The following POR variants were observed in gnomAD, a reference collection of about 807,000 sequenced individuals.
The protein encoded by POR is cytochrome p450 oxidoreductase.
Under a neutral mutation model 84.0 loss-of-function variants are expected in POR, and 56 were observed. The ratio of observed to expected loss-of-function variants is 0.67; its 90% CI spans 0.54 to 0.83. The LOEUF (loss-of-function observed/expected upper bound fraction) is 0.83, where lower values mean the gene tolerates loss of function less well. Among genes scored for constraint, POR ranks in the 40% least tolerant of loss-of-function variants. The pLI, the probability that POR is intolerant of heterozygous loss-of-function variation, is 0.00. For synonymous variants in POR, 414 were observed against 400.5 expected (o/e 1.03, Z -0.40); for missense variants, 938 against 944.3 (o/e 0.99, Z 0.09).
At chr7:75,979,698 C>G (rs1788899022) in intron 4 of POR, 119 bp downstream of exon 4, 1 of 1,413,162 alleles carries the variant, frequency 7.1e-7, no homozygotes, top group Non-Finnish European at 9.6e-7. Flanking sequence ...GGAAGACGTC[C>G]TCGGAAGTTG....
At chr7:75,964,714 A>G (rs565304022) in intron 2 of POR, among the ~76,000 whole-genome samples, 2 of 152,338 alleles carry the variant, frequency 1.3e-5, no homozygotes, top group South Asian at 4.1e-4. Context: ...TTCAAAGTAT[A>G]CAGTGTGATG....
At chr7:75,958,760 G>C (rs559458163) in intron 2 of POR, among the ~76,000 whole-genome samples, 1 of 152,162 alleles carries the variant, frequency 6.6e-6, no homozygotes, top group South Asian at 2.1e-4. Context: ...CACAAAGATT[G>C]CTTGAGCCAG....
chr7:75,976,397 C>G (rs1377558885), intron 3 of POR, among the ~76,000 whole-genome samples: 1 of 151,258 alleles, frequency 6.6e-6, no homozygotes, highest in Non-Finnish European at 1.5e-5. Flanking sequence ...GAGCCAAGAT[C>G]GCACCACTGC....
chr7:75,986,051 C>T lies in POR; in HGVS notation c.1798C>T (p.Arg600Trp), dbSNP rs72557950. The T allele has an allele frequency of 7.2e-5, 113 of 1,560,154 alleles. No homozygotes were observed. The Admixed American group carries it at 1.4e-3, about 20-fold the overall frequency. ...CACCCAGCTCAACGTGGCCTTCTCC[C>T]GGGAGCAGTCCCACAAGGTGAGACG... The change falls in exon 14 of 16, where the codon CGG becomes TGG. Residue 600 changes from arginine (R) to tryptophan (W), a missense_variant. By Grantham distance (101) the Arg-to-Trp change is moderately radical. Transcript: ENST00000461988.
chr7:75,964,815 A>G (rs980134892), intron 2 of POR, among the ~76,000 whole-genome samples: 2 of 152,012 alleles, frequency 1.3e-5, no homozygotes, highest in Non-Finnish European at 2.9e-5. Context: ...ACTTGAAGCC[A>G]GGAGGTCAAG....
chr7:75,981,620 C>T lies in POR; in HGVS notation c.731+14C>T, dbSNP rs782442432. The T allele has an allele frequency of 1.3e-5, 21 of 1,609,300 alleles. No homozygotes were observed. Among genetic ancestry groups the T allele is most frequent in the African/African-American group, 4.0e-5 (3 of 74,868 alleles). On this transcript the variant is annotated intron_variant, in intron 7 of 15. Transcript: ENST00000461988. ...CGAGGAGTCCAGGTGAGCAAGTGCC[C>T]GCAGGTGCGGTGGGTGGCCTGGGCG...
chr7:75,984,696 G>A (rs1789297597), intron 10 of POR, 81 bp from the exon 11 acceptor site: 1 of 1,271,004 alleles, frequency 7.9e-7, no homozygotes, highest in African/African-American at 1.4e-5. Flanking sequence ...GCTGGCCCAA[G>A]GTGTCACCCC....
intron 1 of POR, among the ~76,000 whole-genome samples, chr7:75,920,351 G>T (rs565137504): frequency 6.6e-6 from 1 of 152,066 alleles, no homozygotes; most frequent in Non-Finnish European, 1.5e-5. Flanking sequence ...ATTACCAGGC[G>T]TGAGCCACCA....
At chr7:75,980,891 A>C in intron 5 of POR, 157 bp from the exon 6 acceptor site, 4 of 1,090,356 alleles carry the variant, frequency 3.7e-6, no homozygotes, top group Non-Finnish European at 5.1e-6. Context: ...TCAGTGGCCC[A>C]GTGTTCCTTG....
At chr7:75,923,205 T>C in intron 1 of POR, 1 of 1,129,498 alleles carries the variant, frequency 8.9e-7, no homozygotes, top group Non-Finnish European at 1.3e-6. Flanking sequence ...AGACCATCCC[T>C]CTGACAACAC....
chr7:75,929,186 C>T (rs1320761141), intron 1 of POR, among the ~76,000 whole-genome samples: 1 of 152,068 alleles, frequency 6.6e-6, no homozygotes, highest in Non-Finnish European at 1.5e-5. Context: ...ACCCTACTGC[C>T]CACATTCTAG....
intron 1 of POR, 64 bp downstream of exon 1, chr7:75,915,243 G>C (rs1325264051): frequency 1.3e-5 from 2 of 153,616 alleles, no homozygotes; most frequent in Non-Finnish European, 2.9e-5. Flanking sequence ...CTCGGGGTTT[G>C]CCGGGCGCCT....
At chr7:75,946,852 T>C (rs1860702) in intron 1 of POR, 11,918 of 152,266 alleles carry the variant, frequency 0.078, 1,462 homozygotes, top group African/African-American at 0.26. Flanking sequence ...CTCGGAGCGA[T>C]TGTAGGGACT....
chr7:75,956,986 A>G (rs1380729099), intron 2 of POR, among the ~76,000 whole-genome samples: 1 of 152,214 alleles, frequency 6.6e-6, no homozygotes, highest in Admixed American at 6.5e-5. Context: ...TCTGCCTCCC[A>G]TAGTGCTGGG....
At chr7:75,951,986 G>C (rs537299731) in intron 1 of POR, among the ~76,000 whole-genome samples, 1 of 150,466 alleles carries the variant, frequency 6.6e-6, no homozygotes, top group African/African-American at 2.5e-5. Context: ...CCTCCCTCCC[G>C]GACGGGGCGG....
At chr7:75,919,181 G>A (rs554862225) in intron 1 of POR, among the ~76,000 whole-genome samples, 1 of 152,040 alleles carries the variant, frequency 6.6e-6, no homozygotes, top group Admixed American at 6.6e-5. Context: ...GTGTTTTCTT[G>A]TACTGAATAT....
At chr7:75,920,869 C>T (rs1214696708) in intron 1 of POR, among the ~76,000 whole-genome samples, 3 of 152,126 alleles carry the variant, frequency 2.0e-5, no homozygotes, top group Non-Finnish European at 4.4e-5. Context: ...CAGGAGAGTG[C>T]ATTAGCCAGT....
chr7:75,957,324 G>T (rs1241239293), intron 2 of POR, among the ~76,000 whole-genome samples: 1 of 152,216 alleles, frequency 6.6e-6, no homozygotes, highest in East Asian at 1.9e-4. Flanking sequence ...GATATAGGAA[G>T]GGCAGATCAG....
At chr7:75,952,570 C>T (rs1236871074) in intron 1 of POR, among the ~76,000 whole-genome samples, 20 of 148,152 alleles carry the variant, frequency 1.3e-4, no homozygotes, top group Admixed American at 4.0e-4. Context: ...TCAGACGGGG[C>T]GGTTGCCAGG....
Sources: allele counts gnomAD v4.1 joint callset (sites outside exome capture counted in the v4.1 genomes callset), GRCh38; gene constraint gnomAD v4.1.1; transcripts MANE v1.5; gene names NCBI Gene and HGNC (gene_info 2026-07-23, HGNC 2026-07-21).